Variants in LNX1 observed in about 807,000 individuals in gnomAD.
The protein encoded by LNX1 is ligand of numb-protein X 1.
A neutral mutation model predicts 68.4 loss-of-function variants in LNX1; 54 were observed. The ratio of observed to expected loss-of-function variants is 0.79; its 90% CI spans 0.63 to 0.99. LNX1 has a LOEUF of 0.99. Among genes scored for constraint, LNX1 ranks in the 50% least tolerant of loss-of-function variants. The pLI is 0.00. For synonymous variants in LNX1, 336 were observed against 350.0 expected, an observed-to-expected ratio of 0.96 and a Z score of 0.45; for missense variants, 906 against 926.4, an observed-to-expected ratio of 0.98 and a Z score of 0.29.
At chr4:53,557,913 A>G (rs767418781) in intron 2 of LNX1, 5 of 1,613,446 alleles carry the variant, frequency 3.1e-6, no homozygotes, top group Admixed American at 1.7e-5. Context: ...CACATTGTCA[A>G]TGTAGTTAGC....
chr4:53,559,800 G>A (rs918064911), intron 2 of LNX1, among the ~76,000 whole-genome samples: 92 of 147,588 alleles, frequency 6.2e-4, no homozygotes, highest in African/African-American at 2.1e-3. Flanking sequence ...GGTGCGTGCC[G>A]CCATGCCTGG....
intron 2 of LNX1, among the ~76,000 whole-genome samples, chr4:53,530,641 C>T (rs1405526275): frequency 6.6e-6 from 1 of 151,952 alleles, no homozygotes; most frequent in Non-Finnish European, 1.5e-5. Flanking sequence ...TCTAAGAATT[C>T]AGAGTAAAAA....
chr4:53,554,313 G>A (rs1301763241), intron 2 of LNX1, among the ~76,000 whole-genome samples: 1 of 152,138 alleles, frequency 6.6e-6, no homozygotes, highest in Non-Finnish European at 1.5e-5. Flanking sequence ...TTTTGAACCT[G>A]GTGTCTTTCC....
At chr4:53,472,700 C>A (rs68056217) in intron 9 of LNX1, among the ~76,000 whole-genome samples, 51,333 of 106,644 alleles carry the variant, frequency 0.48, 11,018 homozygotes, top group South Asian at 0.61. Context: ...AAAAAAAAAA[C>A]AAAAAACAAT....
chr4:53,540,340 G>A (rs953054501), intron 2 of LNX1, among the ~76,000 whole-genome samples: 4 of 152,060 alleles, frequency 2.6e-5, no homozygotes, highest in African/African-American at 7.2e-5. Flanking sequence ...TCATGACTCC[G>A]CCACTGCACT....
upstream of LNX1, among the ~76,000 whole-genome samples, chr4:53,621,527 A>G (rs931115938): frequency 2.6e-5 from 4 of 152,214 alleles, no homozygotes; most frequent in Admixed American, 1.3e-4. Flanking sequence ...GAGATGTGCC[A>G]AATACCCAGT....
At chr4:53,649,100 G>T (rs536865807) in intron 1 of LNX1, among the ~76,000 whole-genome samples, 12 of 151,778 alleles carry the variant, frequency 7.9e-5, no homozygotes, top group African/African-American at 1.9e-4. Flanking sequence ...AATCCAAAAG[G>T]TTCTGATTTT....
chr4:53,549,802 T>C (rs1729378558), intron 2 of LNX1, among the ~76,000 whole-genome samples: 1 of 152,224 alleles, frequency 6.6e-6, no homozygotes, highest in Admixed American at 6.5e-5. Context: ...TTTTCCATTA[T>C]AAGTTAAAAT....
chr4:53,499,356 G>T (rs1725313682), intron 4 of LNX1, among the ~76,000 whole-genome samples: 1 of 151,968 alleles, frequency 6.6e-6, no homozygotes, highest in Admixed American at 6.6e-5. Flanking sequence ...ACGGAGTTTT[G>T]TCATGTTGTC....
rs146382079 is a variant in LNX1, at chr4:53,517,420, C to T, written c.381-9193G>A. The stretch of plus-strand genomic sequence containing the variant: ...AACAGTTCCACTTGCACTCCCTGAG[C>T]CCACCCTCAAATAGGTCCTATCCCT... On this transcript the variant is annotated intron_variant, in intron 2 of 10. Transcript: ENST00000263925. 7.0e-3 allele frequency among the ~76,000 whole-genome samples: 1,069 copies of T among 152,300 alleles called. 51 individuals carry two copies. Among genetic ancestry groups the T allele is most frequent in the Admixed American group, 0.062 (945 of 15,290 alleles).
At chr4:53,600,929 T>C (rs1287767001) in intron 2 of LNX1, among the ~76,000 whole-genome samples, 2 of 149,266 alleles carry the variant, frequency 1.3e-5, no homozygotes, top group African/African-American at 2.5e-5. Context: ...AATACAAAAT[T>C]TAGCCAGGCG....
chr4:53,526,670 A>T (rs1234225931), intron 2 of LNX1, among the ~76,000 whole-genome samples: 2 of 151,554 alleles, frequency 1.3e-5, no homozygotes, highest in African/African-American at 4.9e-5. Context: ...ACAATACCCT[A>T]TTCCATCTTT....
chr4:53,586,136 G>A (rs757449816), intron 1 of LNX1, among the ~76,000 whole-genome samples: 67 of 151,186 alleles, frequency 4.4e-4, no homozygotes, highest in Non-Finnish European at 8.1e-4. Context: ...AGGGCCTCAA[G>A]GGAAAAAAAA....
In LNX1 at chr4:53,609,724, AATATATAATATACTATTATATATT is replaced by A. The variant is rs1413882123; in HGVS notation, c.-215+6769_-215+6792del. ...ATAGTACTATTATAATATATAGTACAATATATAATATACTATTATATATTATATATAATATACTATTATATATTA... is the reference window on the plus strand; with the variant it reads ...ATAGTACTATTATAATATATAGTACAATATATAATATACTATTATATATTA... On this transcript the variant is annotated intron_variant, in intron 2 of 3. Transcript: ENST00000504299. 7.1e-3 allele frequency among the ~76,000 whole-genome samples: 1,016 copies of A among 142,284 alleles called. 5 individuals carry two copies. The highest frequency in any genetic ancestry group is 0.011 in the Non-Finnish European group (691 of 65,738). 93.3% of individuals were successfully genotyped at this position (142,284 alleles called of 152,430 possible).
chr4:53,524,616 C>A (rs1336553670), intron 2 of LNX1, among the ~76,000 whole-genome samples: 1 of 152,216 alleles, frequency 6.6e-6, no homozygotes, highest in Non-Finnish European at 1.5e-5. Flanking sequence ...AGCCTACGCT[C>A]TTTCTAGAAC....
intron 3 of LNX1, 146 bp downstream of exon 3, chr4:53,507,840 G>A: frequency 1.9e-6 from 2 of 1,044,240 alleles, no homozygotes; most frequent in Non-Finnish European, 2.7e-6. Flanking sequence ...ATTTCACTTT[G>A]GCGAATTGGA....
At chr4:53,635,788 A>G (rs535358360) in intron 1 of LNX1, among the ~76,000 whole-genome samples, 1 of 152,294 alleles carries the variant, frequency 6.6e-6, no homozygotes, top group South Asian at 2.1e-4. Flanking sequence ...TTAATATCAG[A>G]GAGACTGTGC....
intron 9 of LNX1, among the ~76,000 whole-genome samples, chr4:53,462,291 G>T (rs1722214221): frequency 6.6e-6 from 1 of 152,062 alleles, no homozygotes; most frequent in Non-Finnish European, 1.5e-5. Flanking sequence ...AATAGCAAAT[G>T]AGATTGAAGA....
intron 6 of LNX1, among the ~76,000 whole-genome samples, chr4:53,490,145 A>AC (rs2109447181): frequency 6.6e-6 from 1 of 151,706 alleles, no homozygotes; most frequent in African/African-American, 2.4e-5. Flanking sequence ...TAAGGAAAAA[A>AC]CAATTACACA....
Sources: allele counts gnomAD v4.1 joint callset (sites outside exome capture counted in the v4.1 genomes callset), GRCh38; gene constraint gnomAD v4.1.1; transcripts MANE v1.5; gene names NCBI Gene and HGNC (gene_info 2026-07-23, HGNC 2026-07-21).